GMCL1: variants seen among roughly 807,000 people sequenced by gnomAD.
GMCL1 encodes the protein germ cell-less 1, spermatogenesis associated.
In GMCL1, 54 loss-of-function variants were observed where a neutral mutation model predicts 75.5. The observed-to-expected ratio is 0.71, with a 90% CI of 0.57 to 0.90. The LOEUF (loss-of-function observed/expected upper bound fraction) is 0.90, where lower values mean the gene tolerates loss of function less well. Ranked by LOEUF, GMCL1 falls within the 40% of genes least tolerant of loss-of-function variation. The pLI, the probability that GMCL1 is intolerant of heterozygous loss-of-function variation, is 0.00. For synonymous variants in GMCL1, 210 were observed against 209.6 expected (o/e 1.00, Z -0.02); for missense variants, 537 against 622.7 (o/e 0.86, Z 1.47).
chr2:69,876,452 T>G (rs946085163), intron 13 of GMCL1, among the ~76,000 whole-genome samples: 1 of 152,192 alleles, frequency 6.6e-6, no homozygotes, highest in Non-Finnish European at 1.5e-5. Flanking sequence ...GGTGAAGAGA[T>G]GATGAATTCT....
chr2:69,839,076 C>T (rs888258090), intron 2 of GMCL1, among the ~76,000 whole-genome samples: 3 of 152,152 alleles, frequency 2.0e-5, no homozygotes, highest in South Asian at 2.1e-4. Context: ...GTTTCTTTGG[C>T]GATCATCCTG....
chr2:69,874,078 T>C (rs1406252298), intron 13 of GMCL1, among the ~76,000 whole-genome samples: 1 of 152,142 alleles, frequency 6.6e-6, no homozygotes, highest in African/African-American at 2.4e-5. Flanking sequence ...TTCCTCTTTA[T>C]TGGATAAAGT....
At chr2:69,870,955 AG>A (rs1386358895) in intron 12 of GMCL1, among the ~76,000 whole-genome samples, 3 of 152,238 alleles carry the variant, frequency 2.0e-5, no homozygotes, top group African/African-American at 7.2e-5. Flanking sequence ...GCCACTATGG[AG>A]CATGGTATGA....
At chr2:69,836,468 C>G (rs1258651802) in intron 1 of GMCL1, among the ~76,000 whole-genome samples, 2 of 152,150 alleles carry the variant, frequency 1.3e-5, no homozygotes, top group African/African-American at 4.8e-5. Context: ...TTAATGTCCT[C>G]TTTTTACAGC....
intron 9 of GMCL1, among the ~76,000 whole-genome samples, chr2:69,860,201 G>T (rs949023909): frequency 2.0e-5 from 3 of 151,930 alleles, no homozygotes; most frequent in Non-Finnish European, 2.9e-5. Flanking sequence ...ATGTTGCCCA[G>T]GCTGGTCTAG....
At chr2:69,852,750 G>A (rs1222799706) in intron 8 of GMCL1, among the ~76,000 whole-genome samples, 1 of 152,098 alleles carries the variant, frequency 6.6e-6, no homozygotes, top group Non-Finnish European at 1.5e-5. Flanking sequence ...TGTTGGCCAG[G>A]CTGGTCTTGA....
chr2:69,838,712 G>A (rs535615474), intron 2 of GMCL1, among the ~76,000 whole-genome samples: 1 of 152,086 alleles, frequency 6.6e-6, no homozygotes, highest in East Asian at 1.9e-4. Flanking sequence ...GATTCATGTT[G>A]TTTCTTTTTA....
intron 9 of GMCL1, among the ~76,000 whole-genome samples, chr2:69,858,068 A>G (rs1675530545): frequency 6.6e-6 from 1 of 152,200 alleles, no homozygotes; most frequent in Admixed American, 6.5e-5. Flanking sequence ...CCATTGGGAA[A>G]ATACTGGGTT....
In GMCL1 at chr2:69,879,221, T is replaced by G. The variant is rs1166141677; in HGVS notation, c.*217T>G. 1.5e-5 allele frequency: 5 copies of G among 336,918 alleles called. No homozygotes were observed. The highest frequency in any genetic ancestry group is 2.7e-5 in the Non-Finnish European group (5 of 186,058). 20.9% of individuals were successfully genotyped at this position (336,918 alleles called of 1,614,324 possible). On this transcript the variant is annotated 3_prime_UTR_variant, in exon 14 of 14. Transcript: ENST00000282570. ...TTCTATGCATATGCGTAAGAACATT[T>G]TAAAGCCAAGAAAATATCTGTCAAA...
chr2:69,864,928 G>A lies in GMCL1; in HGVS notation c.1171G>A (p.Glu391Lys), dbSNP rs1198674392. The change falls in exon 11 of 14, where the codon GAG becomes AAG. Residue 391 changes from glutamate to lysine, a missense_variant. Transcript: ENST00000282570. The part of the protein sequence containing the change: ...GPQEINKEEL[E>K]GNSMRCGRKL... Reference sequence around the variant, plus strand: ...TCAAGAAATCAATAAAGAAGAACTAGAGGGAAACAGCATGAGGTGTGGTAG... The same window carrying A: ...TCAAGAAATCAATAAAGAAGAACTAAAGGGAAACAGCATGAGGTGTGGTAG... 4 of 1,613,346 alleles carry A rather than the reference G, an allele frequency of 2.5e-6. No individual in the cohort carries two copies. Among genetic ancestry groups the A allele is most frequent in the Non-Finnish European group, 3.4e-6 (4 of 1,179,452 alleles).
At chr2:69,841,103 C>G (rs1674972475) in intron 4 of GMCL1, 64 bp downstream of exon 4, 1 of 1,094,710 alleles carries the variant, frequency 9.1e-7, no homozygotes, top group African/African-American at 1.7e-5. Flanking sequence ...AGTGTGTACT[C>G]CAAAAACAAA....
chr2:69,843,441 A>G (rs1017938474), intron 5 of GMCL1, among the ~76,000 whole-genome samples, 180 bp downstream of exon 5: 4 of 152,204 alleles, frequency 2.6e-5, no homozygotes, highest in African/African-American at 9.7e-5. Context: ...AATTCCTCAA[A>G]AGTGTCGTCT....
chr2:69,853,802 T>C (rs1175803119), intron 8 of GMCL1, among the ~76,000 whole-genome samples: 1 of 152,120 alleles, frequency 6.6e-6, no homozygotes, highest in Admixed American at 6.6e-5. Context: ...TGAATTATTC[T>C]ATTTTCTTTT....
rs769735072 is a variant in GMCL1, at chr2:69,843,294, C to A, written c.692+33C>A. The stretch of plus-strand genomic sequence containing the variant: ...GCCTTTCTTGTTTTTCTTCCTATCC[C>A]ACTTTTAGGAATTTGGTTGCTTTAG... On this transcript the variant is annotated intron_variant, in intron 5 of 13. Transcript: ENST00000282570. The A allele has an allele frequency of 1.7e-5, 20 of 1,174,572 alleles. No individual in the cohort carries two copies. The South Asian group carries it at 2.4e-4, about 14-fold the overall frequency. 72.8% of individuals were successfully genotyped at this position (1,174,572 alleles called of 1,614,324 possible).
chr2:69,839,851 T>A (rs1269715315), intron 3 of GMCL1, among the ~76,000 whole-genome samples: 1 of 152,090 alleles, frequency 6.6e-6, no homozygotes, highest in Non-Finnish European at 1.5e-5. Flanking sequence ...TTTTTTTAAT[T>A]ACATAGAAAA....
At chr2:69,835,224 AAACT>A (rs1355838494) in intron 1 of GMCL1, among the ~76,000 whole-genome samples, 1 of 152,020 alleles carries the variant, frequency 6.6e-6, no homozygotes. Flanking sequence ...AAAAACAAAC[AAACT>A]ATTCTTTGGT....
At position 69,861,267 on chromosome 2, in the gene GMCL1, T is replaced by C; in HGVS notation, c.1073-11T>C. On this transcript the variant is annotated splice_polypyrimidine_tract_variant and intron_variant, in intron 9 of 13. Coordinates refer to ENST00000282570, the MANE Select transcript of GMCL1 (RefSeq NM_178439.5). ...GTTATTTATTATTATTAATTTATTCTTACATTTCAGAATGGCTCTCTTCTG... is the reference window on the plus strand; with the variant it reads ...GTTATTTATTATTATTAATTTATTCCTACATTTCAGAATGGCTCTCTTCTG... The C allele has an allele frequency of 6.4e-7, 1 of 1,568,634 alleles. No homozygotes were observed. Among genetic ancestry groups the C allele is most frequent in the Non-Finnish European group, 8.7e-7 (1 of 1,144,618 alleles).
At chr2:69,853,769 AAAAATT>A (rs973374396) in intron 8 of GMCL1, among the ~76,000 whole-genome samples, 41 of 152,276 alleles carry the variant, frequency 2.7e-4, no homozygotes, top group Non-Finnish European at 3.5e-4. Flanking sequence ...CTAAAAGAAA[AAAAATT>A]ATATACTTCA....
At chr2:69,851,515 G>C (rs1355314977) in intron 8 of GMCL1, among the ~76,000 whole-genome samples, 2 of 152,104 alleles carry the variant, frequency 1.3e-5, no homozygotes, top group African/African-American at 4.8e-5. Context: ...GAGGCTGAAG[G>C]AGGAGAATCG....
Sources: allele counts gnomAD v4.1 joint callset (sites outside exome capture counted in the v4.1 genomes callset), GRCh38; gene constraint gnomAD v4.1.1; transcripts MANE v1.5; gene names NCBI Gene and HGNC (gene_info 2026-07-23, HGNC 2026-07-21).